The following TTBK2 variants were observed in gnomAD, a reference collection of about 807,000 sequenced individuals.
TTBK2 encodes the protein tau-tubulin kinase 2.
TTBK2 carries 28 observed loss-of-function variants against 110.8 expected under a neutral mutation model. The observed-to-expected ratio is 0.25, with a 90% confidence interval of 0.19 to 0.35. The LOEUF (loss-of-function observed/expected upper bound fraction) is 0.35. TTBK2 is among the 10% of genes least tolerant of loss of function. The pLI is 1.00. For synonymous variants in TTBK2, 532 were observed against 527.3 expected, an observed-to-expected ratio of 1.01 and a Z score of -0.12; for missense variants, 1,369 against 1,500.3, an observed-to-expected ratio of 0.91 and a Z score of 1.45.
intron 3 of TTBK2, among the ~76,000 whole-genome samples, chr15:42,867,245 CAAA>C (rs199562887): frequency 6.3e-5 from 4 of 63,574 alleles, no homozygotes; most frequent in Admixed American, 1.8e-4. Context: ...GACTCCGTCT[CAAA>C]AAAAAAAAAA....
intron 3 of TTBK2, among the ~76,000 whole-genome samples, chr15:42,855,518 G>A (rs1057429451): frequency 6.6e-6 from 1 of 152,188 alleles, no homozygotes; most frequent in African/African-American, 2.4e-5. Context: ...AGAAGCCAAT[G>A]CAAAAGAGCT....
At chr15:42,886,245 C>T (rs1895242388) in intron 1 of TTBK2, among the ~76,000 whole-genome samples, 1 of 152,134 alleles carries the variant, frequency 6.6e-6, no homozygotes, top group Non-Finnish European at 1.5e-5. Context: ...AGCTTCTGCT[C>T]TCCCACCCTA....
At chr15:42,902,529 T>C (rs1463141444) in intron 1 of TTBK2, among the ~76,000 whole-genome samples, 1 of 149,710 alleles carries the variant, frequency 6.7e-6, no homozygotes, top group East Asian at 2.0e-4. Context: ...TTATGTATAT[T>C]AAAAAAAAAC....
chr15:42,843,520 G>A (rs1445969072), intron 3 of TTBK2, among the ~76,000 whole-genome samples: 1 of 152,078 alleles, frequency 6.6e-6, no homozygotes, highest in East Asian at 1.9e-4. Context: ...CAGCACTTTG[G>A]GAGGCTGAGG....
intron 4 of TTBK2, among the ~76,000 whole-genome samples, chr15:42,837,137 A>G (rs2141006051): frequency 6.6e-6 from 1 of 152,252 alleles, no homozygotes; most frequent in South Asian, 2.1e-4. Flanking sequence ...AGGTGGGCAG[A>G]TCACCTTAGG....
chr15:42,888,863 A>G (rs1449100036), intron 1 of TTBK2, among the ~76,000 whole-genome samples: 1 of 152,172 alleles, frequency 6.6e-6, no homozygotes, highest in Non-Finnish European at 1.5e-5. Context: ...AGCAGCTAGC[A>G]TTCCAACTTC....
At chr15:42,898,286 G>C (rs1454316047) in intron 1 of TTBK2, among the ~76,000 whole-genome samples, 2 of 152,204 alleles carry the variant, frequency 1.3e-5, no homozygotes, top group East Asian at 3.9e-4. Context: ...CAGGTGCAGT[G>C]GCTGATACCT....
chr15:42,902,278 C>T (rs1293321624), intron 1 of TTBK2, among the ~76,000 whole-genome samples: 10 of 150,162 alleles, frequency 6.7e-5, no homozygotes, highest in South Asian at 2.1e-4. Context: ...CCCAGCATTT[C>T]GGGAGGCCGA....
At chr15:42,829,655 C>T (rs1358360576) in intron 5 of TTBK2, among the ~76,000 whole-genome samples, 2 of 152,202 alleles carry the variant, frequency 1.3e-5, no homozygotes, top group Non-Finnish European at 2.9e-5. Context: ...CTGCTTCAGC[C>T]TCCTGAGTAG....
At chr15:42,786,044 G>C (rs1229350176) in intron 10 of TTBK2, among the ~76,000 whole-genome samples, 1 of 151,470 alleles carries the variant, frequency 6.6e-6, no homozygotes, top group Non-Finnish European at 1.5e-5. Flanking sequence ...TGCCTAAATG[G>C]ATCAATGCTA....
intron 9 of TTBK2, chr15:42,801,833 C>T (rs751405168): frequency 2.2e-6 from 2 of 896,516 alleles, no homozygotes; most frequent in South Asian, 2.6e-5. Flanking sequence ...TTGATGAGCA[C>T]AAATTCATTC....
At chr15:42,751,091 T>A (rs891351268) in intron 14 of TTBK2, among the ~76,000 whole-genome samples, 3 of 152,148 alleles carry the variant, frequency 2.0e-5, no homozygotes, top group Non-Finnish European at 4.4e-5. Context: ...TCCTGTAGGT[T>A]GAAATGAAAG....
intron 3 of TTBK2, among the ~76,000 whole-genome samples, chr15:42,848,493 CTTTT>C (rs773939473): frequency 7.0e-6 from 1 of 143,756 alleles, no homozygotes; most frequent in Admixed American, 7.0e-5. Context: ...TATACATATA[CTTTT>C]TTTTTTTTTT....
rs561428747 is a variant in TTBK2, at chr15:42,830,967, C to T, written c.292-889G>A. On this transcript the variant is annotated intron_variant, in intron 4 of 14. Coordinates refer to ENST00000267890, the MANE Select transcript of TTBK2 (RefSeq NM_173500.4). ...TTGCAGTGAGCCAAGATCACGCCAC[C>T]GCACTACAGCCTGGGCAACAGAGCG... Among the ~76,000 whole-genome samples the T allele has an allele frequency of 7.0e-4, 105 of 150,938 alleles. No homozygotes were observed. In the South Asian group the frequency reaches 0.019, roughly 27 times the overall value.
chr15:42,785,603 T>C (rs763156427), intron 10 of TTBK2, among the ~76,000 whole-genome samples: 18 of 152,192 alleles, frequency 1.2e-4, no homozygotes, highest in Non-Finnish European at 2.4e-4. Flanking sequence ...ATATATTTCT[T>C]TCAAAGTAAT....
At chr15:42,833,300 G>T (rs1892844115) in intron 4 of TTBK2, among the ~76,000 whole-genome samples, 1 of 133,808 alleles carries the variant, frequency 7.5e-6, no homozygotes, top group African/African-American at 2.8e-5. Flanking sequence ...AATGTGGAAT[G>T]AATAAAAGAA....
intron 13 of TTBK2, among the ~76,000 whole-genome samples, chr15:42,759,997 C>T (rs952921427): frequency 6.6e-5 from 10 of 152,100 alleles, no homozygotes; most frequent in Non-Finnish European, 1.3e-4. Context: ...TAAAGATAGA[C>T]AATTCAGTTA....
chr15:42,805,970 C>A, intron 9 of TTBK2, among the ~76,000 whole-genome samples: 1 of 152,118 alleles, frequency 6.6e-6, no homozygotes, highest in East Asian at 1.9e-4. Flanking sequence ...TGTGTTAAGA[C>A]ACTGATTTTT....
chr15:42,859,277 T>C (rs1174566798), intron 3 of TTBK2, among the ~76,000 whole-genome samples: 1 of 151,970 alleles, frequency 6.6e-6, no homozygotes, highest in Non-Finnish European at 1.5e-5. Flanking sequence ...CAGATAATTT[T>C]TTGTATGTTT....
Sources: allele counts gnomAD v4.1 joint callset (sites outside exome capture counted in the v4.1 genomes callset), GRCh38; gene constraint gnomAD v4.1.1; transcripts MANE v1.5; gene names NCBI Gene and HGNC (gene_info 2026-07-23, HGNC 2026-07-21).